The following TMTC2 variants were observed in gnomAD, a reference collection of about 807,000 sequenced individuals.
TMTC2 encodes protein O-mannosyl-transferase TMTC2.
TMTC2 carries 43 observed loss-of-function variants against 82.4 expected under a neutral mutation model. The ratio of observed to expected loss-of-function variants is 0.52; its 90% CI spans 0.41 to 0.67. TMTC2 has a LOEUF of 0.67. Ranked by LOEUF, TMTC2 falls within the 30% of genes least tolerant of loss-of-function variation. The pLI, the probability that TMTC2 is intolerant of heterozygous loss-of-function variation, is 0.00. For missense variants in TMTC2, 919 were observed against 1,012.4 expected (o/e 0.91, Z 1.25); for synonymous variants, 408 against 381.9 (o/e 1.07, Z -0.80).
intron 8 of TMTC2, among the ~76,000 whole-genome samples, chr12:83,010,079 CA>C (rs1348397310): frequency 6.6e-6 from 1 of 152,154 alleles, no homozygotes; most frequent in Non-Finnish European, 1.5e-5. Context: ...AGCCTGGTTC[CA>C]AACAGGCCAT....
chr12:82,849,148 A>G (rs1870840358), intron 1 of TMTC2, among the ~76,000 whole-genome samples: 1 of 152,154 alleles, frequency 6.6e-6, no homozygotes, highest in Non-Finnish European at 1.5e-5. Flanking sequence ...TTAGAGTTAC[A>G]TTGCAGGAAG....
At chr12:82,781,896 T>C (rs1451384166) in intron 1 of TMTC2, among the ~76,000 whole-genome samples, 1 of 151,898 alleles carries the variant, frequency 6.6e-6, no homozygotes, top group African/African-American at 2.4e-5. Flanking sequence ...CTGGGGCCTG[T>C]TTAATGCTAA....
At chr12:83,110,881 A>G (rs747401506) in intron 11 of TMTC2, among the ~76,000 whole-genome samples, 1 of 152,188 alleles carries the variant, frequency 6.6e-6, no homozygotes, top group Non-Finnish European at 1.5e-5. Flanking sequence ...TCTCCCACCC[A>G]GGTCTTTTTC....
At chr12:83,071,421 T>G (rs1198887825) in intron 11 of TMTC2, among the ~76,000 whole-genome samples, 1 of 152,178 alleles carries the variant, frequency 6.6e-6, no homozygotes, top group Non-Finnish European at 1.5e-5. Context: ...CCTCCCAAAG[T>G]GCTGGGATTA....
intron 4 of TMTC2, among the ~76,000 whole-genome samples, chr12:82,943,048 G>A (rs951820780): frequency 6.6e-6 from 1 of 152,146 alleles, no homozygotes; most frequent in Non-Finnish European, 1.5e-5. Flanking sequence ...GTTGCCTGGG[G>A]TGATTAGTCC....
At chr12:82,701,775 A>G (rs1873096304) in intron 1 of TMTC2, among the ~76,000 whole-genome samples, 2 of 151,564 alleles carry the variant, frequency 1.3e-5, no homozygotes, top group East Asian at 1.9e-4. Flanking sequence ...AAAAAAAAAG[A>G]AAAAAAGAAT....
rs191883162 is a variant in TMTC2, at chr12:82,729,323, C to T, written c.83+41654C>T. Among the ~76,000 whole-genome samples the T allele has an allele frequency of 2.6e-3, 398 of 152,226 alleles. 2 individuals are homozygous for T. The highest frequency in any genetic ancestry group is 8.8e-3 in the African/African-American group (367 of 41,524). On this transcript the variant is annotated intron_variant, in intron 1 of 11. Transcript: ENST00000321196. ...TCTAGCTCAGGGTTTGTGAATGCAC[C>T]CATGACACTCTGTATCTAGCTACTC...
Position 82,788,715 on chromosome 12 carries a change from T to A in TMTC2, c.84-68295T>A, listed in dbSNP as rs1447531399. On this transcript the variant is annotated intron_variant, in intron 1 of 11. Transcript: ENST00000321196. ...CATCTCTGGAGAATGTATAATCACATCCTTAACATCTCCTTGCACTCACCT... is the reference window on the plus strand; with the variant it reads ...CATCTCTGGAGAATGTATAATCACAACCTTAACATCTCCTTGCACTCACCT... Among the ~76,000 whole-genome samples the A allele has an allele frequency of 3.3e-5, 5 of 152,132 alleles. No homozygotes were observed. In the South Asian group the frequency reaches 6.2e-4, roughly 19 times the overall value.
Position 83,006,934 on chromosome 12 carries a change from G to T in TMTC2, c.2070+20888G>T, listed in dbSNP as rs192376098. ...AACACTTGGACACAGGGCAGGGCCT[G>T]TCATGGGGTCGGGGGCTGGGGGAGG... On this transcript the variant is annotated intron_variant, in intron 8 of 11. Coordinates refer to ENST00000321196, the MANE Select transcript of TMTC2 (RefSeq NM_152588.3). Among the ~76,000 whole-genome samples the T allele has an allele frequency of 6.9e-3, 1,046 of 152,022 alleles. 9 individuals carry two copies. Among genetic ancestry groups the T allele is most frequent in the African/African-American group, 0.024 (1,012 of 41,462 alleles).
At chr12:82,762,337 C>T (rs1338938478) in intron 1 of TMTC2, among the ~76,000 whole-genome samples, 1 of 152,116 alleles carries the variant, frequency 6.6e-6, no homozygotes, top group Admixed American at 6.6e-5. Flanking sequence ...TCCTCCTTAA[C>T]TCACTCATCC....
At chr12:83,100,437 T>C (rs1377630013) in intron 11 of TMTC2, among the ~76,000 whole-genome samples, 2 of 152,164 alleles carry the variant, frequency 1.3e-5, no homozygotes, top group Admixed American at 1.3e-4. Flanking sequence ...AGTGACTTGG[T>C]AATGTTAGAT....
intron 1 of TMTC2, among the ~76,000 whole-genome samples, chr12:82,735,829 T>TA (rs1020597202): frequency 8.6e-5 from 13 of 151,500 alleles, no homozygotes; most frequent in Non-Finnish European, 1.3e-4. Context: ...AAATAAAAAA[T>TA]AAAAAAATTA....
chr12:82,910,879 T>C (rs1229537748), intron 3 of TMTC2, among the ~76,000 whole-genome samples: 1 of 145,566 alleles, frequency 6.9e-6, no homozygotes, highest in Non-Finnish European at 1.5e-5. Flanking sequence ...GTTTTTTTCT[T>C]TTTTTTTTTT....
chr12:82,820,557 T>C (rs1340984593), intron 1 of TMTC2, among the ~76,000 whole-genome samples: 1 of 152,136 alleles, frequency 6.6e-6, no homozygotes, highest in Non-Finnish European at 1.5e-5. Flanking sequence ...GTATTTTTAG[T>C]GGAGACAGGG....
chr12:82,928,978 A>G (rs144426022), intron 3 of TMTC2, among the ~76,000 whole-genome samples: 30 of 152,306 alleles, frequency 2.0e-4, no homozygotes, highest in African/African-American at 7.2e-4. Flanking sequence ...AACTATTGTA[A>G]ATTGTAAAGA....
At chr12:82,930,630 A>T in intron 4 of TMTC2, 85 bp downstream of exon 4, 1 of 758,362 alleles carries the variant, frequency 1.3e-6, no homozygotes, top group Non-Finnish European at 2.2e-6. Flanking sequence ...GGAAATGGAG[A>T]TGATGATAGC....
chr12:82,801,245 G>C (rs889298547), intron 1 of TMTC2, among the ~76,000 whole-genome samples: 3 of 151,982 alleles, frequency 2.0e-5, no homozygotes, highest in Admixed American at 6.6e-5. Flanking sequence ...TCTTAAAGGC[G>C]GTGTGTCCGG....
chr12:82,869,406 C>T (rs1201787221), intron 2 of TMTC2, among the ~76,000 whole-genome samples: 1 of 152,100 alleles, frequency 6.6e-6, no homozygotes, highest in East Asian at 1.9e-4. Context: ...AGGTTTGGAA[C>T]CCACTGATGT....
In TMTC2 at chr12:82,829,485, C is replaced by T. The variant is rs187088770; in HGVS notation, c.84-27525C>T. Among the ~76,000 whole-genome samples the T allele has an allele frequency of 1.3e-4, 19 of 151,706 alleles. No individual in the cohort carries two copies. In the East Asian group the frequency reaches 3.3e-3, roughly 27 times the overall value. On this transcript the variant is annotated intron_variant, in intron 1 of 11. Coordinates refer to ENST00000321196, the MANE Select transcript of TMTC2 (RefSeq NM_152588.3). ...TCATTTAAAAGAGAATTTACACCAT[C>T]CAAATTGTTGGTTTTTGTGAATATC...
Sources: allele counts gnomAD v4.1 joint callset (sites outside exome capture counted in the v4.1 genomes callset), GRCh38; gene constraint gnomAD v4.1.1; transcripts MANE v1.5; gene names NCBI Gene and HGNC (gene_info 2026-07-23, HGNC 2026-07-21).